Variants in P2RY8 observed in about 807,000 individuals in gnomAD.
P2RY8 encodes S-geranylgeranyl-glutathione receptor P2RY8.
A neutral mutation model predicts 10.0 loss-of-function variants in P2RY8; 6 were observed. The ratio of observed to expected loss-of-function variants is 0.60; its 90% CI spans 0.33 to 1.19. The LOEUF is 1.19. Ranked by LOEUF, P2RY8 falls within the 50% of genes most tolerant of loss-of-function variation. The pLI is 0.04. For missense variants in P2RY8, 456 were observed against 542.0 expected (o/e 0.84, Z 1.58); for synonymous variants, 276 against 252.5 (o/e 1.09, Z -0.88).
intron 1 of P2RY8, among the ~76,000 whole-genome samples, chrX:1,525,968 C>A (rs1471083488): frequency 6.6e-6 from 1 of 152,070 alleles, no homozygotes; most frequent in Non-Finnish European, 1.5e-5. Flanking sequence ...ACCCACTATT[C>A]ACTCACCCAT....
intron 1 of P2RY8, among the ~76,000 whole-genome samples, chrX:1,516,615 T>G (rs2092352389): frequency 6.6e-6 from 1 of 151,460 alleles, no homozygotes; most frequent in Non-Finnish European, 1.5e-5. Flanking sequence ...GAGAGAGGCC[T>G]CAGGAGGAAC....
chrX:1,527,038 C>T (rs1175822380), intron 1 of P2RY8, among the ~76,000 whole-genome samples: 6 of 152,182 alleles, frequency 3.9e-5, no homozygotes, highest in East Asian at 1.9e-4. Flanking sequence ...GGATTACAGG[C>T]GCCCACTACC....
At chrX:1,504,289 C>A (rs2092209353) in intron 1 of P2RY8, among the ~76,000 whole-genome samples, 1 of 148,632 alleles carries the variant, frequency 6.7e-6, no homozygotes, top group Non-Finnish European at 1.5e-5. Flanking sequence ...GCACTCCAGC[C>A]TGGGCAACAG....
At chrX:1,517,975 GGT>G (rs1485931248) in intron 1 of P2RY8, among the ~76,000 whole-genome samples, 2 of 151,164 alleles carry the variant, frequency 1.3e-5, no homozygotes, top group Admixed American at 6.6e-5. Flanking sequence ...TGGGCGTGGT[GGT>G]GCGCACCTGT....
intron 1 of P2RY8, among the ~76,000 whole-genome samples, chrX:1,496,112 C>G (rs2092114542): frequency 6.6e-6 from 1 of 152,142 alleles, no homozygotes. Flanking sequence ...AGCTGACTAC[C>G]CATCCACTCT....
intron 1 of P2RY8, among the ~76,000 whole-genome samples, chrX:1,501,578 T>C (rs1465267664): frequency 6.6e-6 from 1 of 151,788 alleles, no homozygotes; most frequent in Non-Finnish European, 1.5e-5. Context: ...CCCGTCTTAG[T>C]TTTCATTTTT....
rs1331930290 is a variant in P2RY8 at position 1,465,685 on chromosome X, C to T, written c.874G>A (p.Val292Ile). ...AATTCCCGGGACGCAAAGTAATAAA[C>T]AAACGGGTCCAGACAGTTGTTGAGG... ...SCLNNCLDPF[V>I]YYFASREFQL... Residue 292 changes from valine (V) to isoleucine (I), a missense_variant, in exon 2 of 2, where the codon GTT (valine) becomes ATT (isoleucine). Transcript: ENST00000381297. 5 of 1,613,592 alleles carry T rather than the reference C, an allele frequency of 3.1e-6. No individual in the cohort carries two copies. Among genetic ancestry groups the T allele is most frequent in the Non-Finnish European group, 4.2e-6 (5 of 1,179,860 alleles).
chrX:1,518,007 G>A (rs1438509908), intron 1 of P2RY8, among the ~76,000 whole-genome samples: 1 of 151,932 alleles, frequency 6.6e-6, no homozygotes, highest in Non-Finnish European at 1.5e-5. Flanking sequence ...TACTCAGGAG[G>A]CTGAGGCGGG....
intron 1 of P2RY8, among the ~76,000 whole-genome samples, chrX:1,481,780 G>T (rs772501675): frequency 1.6e-4 from 24 of 152,266 alleles, no homozygotes; most frequent in Admixed American, 3.3e-4. Flanking sequence ...TGACCCACCA[G>T]CCCCAGTGAA....
At chrX:1,491,885 A>G (rs1457101613) in intron 1 of P2RY8, among the ~76,000 whole-genome samples, 1 of 151,890 alleles carries the variant, frequency 6.6e-6, no homozygotes, top group Non-Finnish European at 1.5e-5. Context: ...GAATGAATGC[A>G]TGAATGAATG....
Position 1,463,540 on chromosome X carries a change from A to G in P2RY8, c.*1939T>C, listed in dbSNP as rs1160922855. On this transcript the variant is annotated 3_prime_UTR_variant, in exon 2 of 2. Transcript: ENST00000381297. ...CCTGTCATGGCATTTAGGGTGCTTA[A>G]TAATCCAGCACAATCTCATCTTCAT... is the stretch of plus-strand genomic sequence containing the variant. 8.6e-6 allele frequency: 2 copies of G among 231,860 alleles called. No homozygotes were observed. Among genetic ancestry groups the G allele is most frequent in the Non-Finnish European group, 1.7e-5 (2 of 117,482 alleles). The allele number at this position is 231,860 out of a possible 1,614,324, so 14.4% of individuals were successfully genotyped here. A position where few individuals can be genotyped will look rare whatever the true frequency, so the allele number is the denominator to read the frequency against.
At chrX:1,518,058 G>A (rs375431621) in intron 1 of P2RY8, among the ~76,000 whole-genome samples, 27 of 151,116 alleles carry the variant, frequency 1.8e-4, no homozygotes, top group African/African-American at 5.3e-4. Flanking sequence ...GCAGTGAGCC[G>A]AGATTTTGTC....
chrX:1,521,337 C>T (rs1436057937), intron 1 of P2RY8, among the ~76,000 whole-genome samples: 2 of 152,064 alleles, frequency 1.3e-5, no homozygotes, highest in Non-Finnish European at 2.9e-5. Context: ...TGAGCCACCG[C>T]GCCCGGCCTT....
At chrX:1,498,267 G>A (rs1293879767) in intron 1 of P2RY8, among the ~76,000 whole-genome samples, 3 of 151,592 alleles carry the variant, frequency 2.0e-5, no homozygotes, top group Admixed American at 6.6e-5. Context: ...TTAGCCGGGT[G>A]TGGTGGCGGG....
intron 1 of P2RY8, among the ~76,000 whole-genome samples, chrX:1,525,313 A>C (rs1448644562): frequency 1.3e-5 from 2 of 152,174 alleles, no homozygotes; most frequent in Non-Finnish European, 2.9e-5. Context: ...TTAAGGTGTA[A>C]GTTAGGATGA....
At chrX:1,477,277 A>G (rs2091885779) in intron 1 of P2RY8, among the ~76,000 whole-genome samples, 1 of 102,978 alleles carries the variant, frequency 9.7e-6, no homozygotes, top group Non-Finnish European at 2.1e-5. Context: ...TCATCCATCT[A>G]TCATCTATCA....
intron 1 of P2RY8, among the ~76,000 whole-genome samples, chrX:1,536,211 A>T (rs757547978): frequency 6.6e-6 from 1 of 151,960 alleles, no homozygotes; most frequent in Admixed American, 6.6e-5. Flanking sequence ...GCAGCTGCTT[A>T]CCCTCTCTAA....
chrX:1,467,530 T>C (rs1465628034), intron 1 of P2RY8, among the ~76,000 whole-genome samples: 1 of 152,182 alleles, frequency 6.6e-6, no homozygotes, highest in African/African-American at 2.4e-5. Context: ...TGGGTTCCGC[T>C]TGGTGTGGCC....
At chrX:1,521,288 C>T (rs1339426448) in intron 1 of P2RY8, among the ~76,000 whole-genome samples, 13 of 152,032 alleles carry the variant, frequency 8.6e-5, no homozygotes, top group African/African-American at 2.7e-4. Flanking sequence ...CCTCGTCATC[C>T]GCCCGCCTTG....
Sources: gnomAD v4.1 joint callset for allele counts (sites outside exome capture counted in the v4.1 genomes callset) on GRCh38, gnomAD v4.1.1 for gene constraint, MANE v1.5 for transcripts, NCBI Gene and HGNC (gene_info 2026-07-23, HGNC 2026-07-21) for gene names.